The following NLGN1 variants were observed in gnomAD, a reference collection of about 807,000 sequenced individuals.
NLGN1 encodes the protein neuroligin-1.
In NLGN1, 12 loss-of-function variants were observed where a neutral mutation model predicts 65.5. The ratio of observed to expected loss-of-function variants is 0.18; its 90% CI spans 0.12 to 0.30. The LOEUF (loss-of-function observed/expected upper bound fraction) is 0.30, where lower values mean the gene tolerates loss of function less well. NLGN1 is among the 10% of genes least tolerant of loss of function. The probability of loss-of-function intolerance (pLI) is 1.00; values close to 1 mark genes in which losing one functional copy is unlikely to be tolerated. For synonymous variants in NLGN1, 350 were observed against 359.5 expected (o/e 0.97, Z 0.30); for missense variants, 750 against 1,007.1 (o/e 0.74, Z 3.46).
chr3:173,698,846 ATT>A (rs1299174410), intron 3 of NLGN1, among the ~76,000 whole-genome samples: 3 of 43,466 alleles, frequency 6.9e-5, no homozygotes, highest in African/African-American at 1.3e-4. Context: ...GAAAACAGGA[ATT>A]TTTTTTGTTG....
chr3:174,103,673 A>T (rs1713061659), intron 4 of NLGN1, among the ~76,000 whole-genome samples: 1 of 152,126 alleles, frequency 6.6e-6, no homozygotes, highest in African/African-American at 2.4e-5. Flanking sequence ...AACTAGTGGT[A>T]TGATAAACTG....
intron 4 of NLGN1, among the ~76,000 whole-genome samples, chr3:173,884,525 G>T (rs1229102539): frequency 1.3e-5 from 2 of 152,112 alleles, no homozygotes; most frequent in African/African-American, 4.8e-5. Context: ...AGTGATGGGA[G>T]ATACTGATTT....
intron 4 of NLGN1, among the ~76,000 whole-genome samples, chr3:174,079,088 C>G (rs142245550): frequency 6.6e-6 from 1 of 151,952 alleles, no homozygotes; most frequent in Admixed American, 6.6e-5. Context: ...ACTGTATATA[C>G]TCTCAAACAG....
intron 2 of NLGN1, among the ~76,000 whole-genome samples, chr3:173,516,678 T>C (rs1477781463): frequency 6.6e-6 from 1 of 152,094 alleles, no homozygotes; most frequent in African/African-American, 2.4e-5. Flanking sequence ...CAACATCACA[T>C]TCAAGAAATC....
At chr3:174,114,319 A>C (rs1343836548) in intron 4 of NLGN1, among the ~76,000 whole-genome samples, 1 of 152,162 alleles carries the variant, frequency 6.6e-6, no homozygotes, top group African/African-American at 2.4e-5. Context: ...GGAAGATTTT[A>C]TGTAATTCAT....
At chr3:174,043,737 A>G (rs760522830) in intron 4 of NLGN1, among the ~76,000 whole-genome samples, 4 of 152,220 alleles carry the variant, frequency 2.6e-5, no homozygotes, top group African/African-American at 4.8e-5. Context: ...TTCCAGGCAC[A>G]CAGTGCAAGC....
intron 4 of NLGN1, among the ~76,000 whole-genome samples, chr3:174,004,487 T>G (rs1723966055): frequency 6.6e-6 from 1 of 152,142 alleles, no homozygotes; most frequent in South Asian, 2.1e-4. Flanking sequence ...TTTTTATCCT[T>G]AAGTAACTGA....
intron 4 of NLGN1, among the ~76,000 whole-genome samples, chr3:173,989,846 G>T (rs997791652): frequency 3.9e-5 from 6 of 152,070 alleles, no homozygotes; most frequent in Non-Finnish European, 5.9e-5. Flanking sequence ...AAGAAGGGAG[G>T]GAAGGGGCCA....
chr3:173,767,994 A>T (rs560821604), intron 3 of NLGN1, among the ~76,000 whole-genome samples: 117 of 152,166 alleles, frequency 7.7e-4, no homozygotes, highest in Non-Finnish European at 1.4e-3. Context: ...TAAATTTTTC[A>T]TTTTATTTTA....
chr3:173,990,521 A>G (rs1417687042), intron 4 of NLGN1, among the ~76,000 whole-genome samples: 1 of 152,190 alleles, frequency 6.6e-6, no homozygotes. Flanking sequence ...TCCAGTTAAC[A>G]ATCATCTATC....
intron 4 of NLGN1, among the ~76,000 whole-genome samples, chr3:173,945,309 A>G (rs1209414702): frequency 3.9e-5 from 6 of 152,004 alleles, no homozygotes; most frequent in African/African-American, 1.4e-4. Flanking sequence ...CTACACCTCT[A>G]TCCTAACAAA....
intron 2 of NLGN1, among the ~76,000 whole-genome samples, chr3:173,448,361 C>T (rs1011394546): frequency 4.6e-5 from 7 of 152,198 alleles, no homozygotes; most frequent in Middle Eastern, 3.4e-3. Flanking sequence ...TGCTGGATTA[C>T]GTTTATTGAT....
At chr3:174,167,854 C>T (rs1727816770) in intron 4 of NLGN1, among the ~76,000 whole-genome samples, 1 of 151,960 alleles carries the variant, frequency 6.6e-6, no homozygotes, top group South Asian at 2.1e-4. Flanking sequence ...AACAGGTTTG[C>T]TAACTTTACA....
At chr3:174,273,908 T>G (rs1270608814) in intron 4 of NLGN1, among the ~76,000 whole-genome samples, 1 of 143,428 alleles carries the variant, frequency 7.0e-6, no homozygotes, top group Non-Finnish European at 1.6e-5. Context: ...TTCAGTTTGG[T>G]TATGGATTTA....
chr3:173,747,533 G>A (rs903837362), intron 3 of NLGN1, among the ~76,000 whole-genome samples: 6 of 150,406 alleles, frequency 4.0e-5, no homozygotes, highest in African/African-American at 1.5e-4. Flanking sequence ...TGATTGGCAA[G>A]CAAAAGTCCT....
intron 2 of NLGN1, among the ~76,000 whole-genome samples, chr3:173,461,428 C>T (rs1053860585): frequency 6.6e-6 from 1 of 151,710 alleles, no homozygotes; most frequent in Non-Finnish European, 1.5e-5. Context: ...TCATTTAATT[C>T]TCAAATGGGG....
At chr3:174,038,819 C>G (rs1440925225) in intron 4 of NLGN1, among the ~76,000 whole-genome samples, 1 of 152,130 alleles carries the variant, frequency 6.6e-6, no homozygotes, top group East Asian at 1.9e-4. Flanking sequence ...TTCACAAACC[C>G]TTCACACTCT....
Position 174,005,824 on chromosome 3 carries a change from T to C in NLGN1, c.646+197992T>C, listed in dbSNP as rs190311013. Among the ~76,000 whole-genome samples the C allele has an allele frequency of 2.4e-3, 371 of 152,224 alleles. 2 individuals are homozygous for C. Among genetic ancestry groups the C allele is most frequent in the African/African-American group, 8.5e-3 (355 of 41,542 alleles). On this transcript the variant is annotated intron_variant, in intron 4 of 6. Coordinates refer to ENST00000457714, the Ensembl canonical transcript of NLGN1. ...ACTAGCTATGTAACAGTAGATAAAA[T>C]ATGTCGTCTATCTGTGTCCTGTTTT...
chr3:173,986,827 A>G (rs970625149), intron 4 of NLGN1, among the ~76,000 whole-genome samples: 12 of 152,152 alleles, frequency 7.9e-5, no homozygotes, highest in Admixed American at 2.0e-4. Flanking sequence ...GACACGACAG[A>G]GCAGGACAGT....
Sources: allele counts gnomAD v4.1 joint callset (sites outside exome capture counted in the v4.1 genomes callset), GRCh38; gene constraint gnomAD v4.1.1; transcripts MANE v1.5; gene names NCBI Gene and HGNC (gene_info 2026-07-23, HGNC 2026-07-21).